RAPGEF6: variants seen among roughly 807,000 people sequenced by gnomAD.
The protein encoded by RAPGEF6 is PDZ domain containing guanine nucleotide exchange factor (GEF) 2.
In RAPGEF6, 56 loss-of-function variants were observed where a neutral mutation model predicts 171.4. That is an observed-to-expected ratio of 0.33 (90% CI 0.26 to 0.41). RAPGEF6 has a LOEUF of 0.41. Ranked by LOEUF, RAPGEF6 falls within the 10% of genes least tolerant of loss-of-function variation. RAPGEF6 has a pLI of 1.00. For synonymous variants in RAPGEF6, 692 were observed against 650.1 expected (o/e 1.06, Z -0.98); for missense variants, 1,674 against 1,921.4 (o/e 0.87, Z 2.41).
chr5:131,494,540 C>G (rs1485503165), intron 13 of RAPGEF6, among the ~76,000 whole-genome samples: 1 of 152,084 alleles, frequency 6.6e-6, no homozygotes, highest in East Asian at 1.9e-4. Context: ...GGATGCAGAA[C>G]TGGAAAATAA....
intron 4 of RAPGEF6, among the ~76,000 whole-genome samples, chr5:131,573,487 T>C (rs529097140): frequency 7.2e-5 from 11 of 152,126 alleles, no homozygotes; most frequent in African/African-American, 2.4e-4. Flanking sequence ...TCCATTTAAA[T>C]GGAGAGGTCG....
intron 3 of RAPGEF6, among the ~76,000 whole-genome samples, chr5:131,599,513 C>T (rs1050797834): frequency 2.0e-5 from 3 of 152,140 alleles, no homozygotes; most frequent in Non-Finnish European, 4.4e-5. Context: ...TACACACACA[C>T]ACACCTACAC....
intron 19 of RAPGEF6, among the ~76,000 whole-genome samples, chr5:131,456,761 T>C (rs1753541299): frequency 6.6e-6 from 1 of 152,240 alleles, no homozygotes; most frequent in South Asian, 2.1e-4. Context: ...CTGTAAAATG[T>C]TCTCCTGATT....
intron 24 of RAPGEF6, among the ~76,000 whole-genome samples, chr5:131,438,829 A>AT (rs1338371464): frequency 1.3e-5 from 2 of 152,220 alleles, no homozygotes; most frequent in Non-Finnish European, 2.9e-5. Flanking sequence ...TTAAATCCTA[A>AT]TTTTAAAAAA....
Position 131,597,313 on chromosome 5 carries a change from T to TAA in RAPGEF6, c.198-4849_198-4848dup, listed in dbSNP as rs80160807. Among the ~76,000 whole-genome samples the TAA allele has an allele frequency of 6.5e-5, 9 of 138,060 alleles. No homozygotes were observed. The South Asian group carries it at 9.3e-4, about 14-fold the overall frequency. The allele number at this position is 138,060 out of a possible 152,430, so 90.6% of individuals were successfully genotyped here. ...TTATGGAAAACAATATGGAGGTTAC[T>TAA]AAAAAAAAAAAAAATGGAACTTCTA... On this transcript the variant is annotated intron_variant, in intron 3 of 27. Transcript: ENST00000509018.
intron 21 of RAPGEF6, among the ~76,000 whole-genome samples, chr5:131,452,046 T>C (rs1168003521): frequency 1.3e-5 from 2 of 152,170 alleles, no homozygotes; most frequent in Non-Finnish European, 2.9e-5. Flanking sequence ...CGGTGAAACC[T>C]TGTCTCTACT....
intron 6 of RAPGEF6, among the ~76,000 whole-genome samples, chr5:131,532,407 A>C (rs1158822066): frequency 6.6e-6 from 1 of 152,240 alleles, no homozygotes; most frequent in Non-Finnish European, 1.5e-5. Context: ...ATACAGACAT[A>C]TACATGCGGC....
In RAPGEF6 at chr5:131,495,679, GGCA is replaced by G. The variant is rs780584929; in HGVS notation, c.1420-22_1420-20del. On this transcript the variant is annotated intron_variant, in intron 12 of 27. Transcript: ENST00000509018. ...GTGTCACCTGTGGAAACATAAAAGAGGCAGCATATGGTTATAAGAGGCATTCCT... is the reference window on the plus strand; with the variant it reads ...GTGTCACCTGTGGAAACATAAAAGAGGCATATGGTTATAAGAGGCATTCCT... The G allele has an allele frequency of 6.2e-7, 1 of 1,602,264 alleles. No individual in the cohort carries two copies.
chr5:131,625,089 C>CT, intron 1 of RAPGEF6, among the ~76,000 whole-genome samples: 1 of 152,052 alleles, frequency 6.6e-6, no homozygotes, highest in Non-Finnish European at 1.5e-5. Flanking sequence ...TGGTGTAACT[C>CT]TGTCTCTACT....
At chr5:131,632,263 T>C (rs190380285) in intron 1 of RAPGEF6, among the ~76,000 whole-genome samples, 401 of 152,174 alleles carry the variant, frequency 2.6e-3, no homozygotes, top group African/African-American at 8.9e-3. Context: ...ACAAAGCTGC[T>C]TGCTATTTCT....
intron 27 of RAPGEF6, 57 bp downstream of exon 27, chr5:131,428,844 AC>A: frequency 6.9e-7 from 1 of 1,458,468 alleles, no homozygotes; most frequent in Non-Finnish European, 9.4e-7. Context: ...CAAAGTAAAG[AC>A]CATTTAATGT....
chr5:131,595,201 T>C (rs1300699254), intron 3 of RAPGEF6, among the ~76,000 whole-genome samples: 1 of 152,162 alleles, frequency 6.6e-6, no homozygotes, highest in Non-Finnish European at 1.5e-5. Flanking sequence ...GGGACAGATT[T>C]TCCCCCATGC....
intron 4 of RAPGEF6, among the ~76,000 whole-genome samples, chr5:131,591,329 C>T (rs532086570): frequency 1.3e-4 from 20 of 152,294 alleles, no homozygotes; most frequent in African/African-American, 4.6e-4. Context: ...CAGAATTCCA[C>T]AACTGACCTT....
At chr5:131,497,478 C>T (rs1441834551) in intron 12 of RAPGEF6, among the ~76,000 whole-genome samples, 7 of 152,112 alleles carry the variant, frequency 4.6e-5, no homozygotes, top group Admixed American at 1.3e-4. Flanking sequence ...ATCTTTAAGG[C>T]ATTATAGTTT....
At chr5:131,441,752 T>C (rs1302863347) in intron 23 of RAPGEF6, among the ~76,000 whole-genome samples, 3 of 152,176 alleles carry the variant, frequency 2.0e-5, no homozygotes, top group African/African-American at 4.8e-5. Flanking sequence ...CTACTAAACA[T>C]ATACTACATA....
At chr5:131,597,101 C>T (rs1763947554) in intron 3 of RAPGEF6, among the ~76,000 whole-genome samples, 1 of 151,910 alleles carries the variant, frequency 6.6e-6, no homozygotes, top group African/African-American at 2.4e-5. Context: ...TAAAAATAGC[C>T]AATAGGTATA....
In RAPGEF6 at chr5:131,527,876, A is replaced by G. The variant is rs550167742; in HGVS notation, c.496-6355T>C. On this transcript the variant is annotated intron_variant, in intron 6 of 27. Transcript: ENST00000509018. ...TAAAAATACAAAAAATTAGCCGGGC[A>G]TGGTGGCGGGTGCCTGTAGTCCCAG... Among the ~76,000 whole-genome samples, 820 of 151,076 alleles carry G rather than the reference A, an allele frequency of 5.4e-3. 14 individuals are homozygous for G. The highest frequency in any genetic ancestry group is 0.019 in the African/African-American group (791 of 41,156).
chr5:131,513,933 T>G (rs1449626003), intron 7 of RAPGEF6, among the ~76,000 whole-genome samples: 1 of 151,990 alleles, frequency 6.6e-6, no homozygotes, highest in Non-Finnish European at 1.5e-5. Flanking sequence ...GAGGCTGAGG[T>G]GGGAGGATTG....
intron 1 of RAPGEF6, among the ~76,000 whole-genome samples, chr5:131,628,169 G>C (rs1052389662): frequency 2.6e-5 from 4 of 152,088 alleles, no homozygotes; most frequent in Admixed American, 2.6e-4. Context: ...ACTTAGGAAG[G>C]CTAACAACGG....
Sources: allele counts gnomAD v4.1 joint callset (sites outside exome capture counted in the v4.1 genomes callset), GRCh38; gene constraint gnomAD v4.1.1; transcripts MANE v1.5; gene names NCBI Gene and HGNC (gene_info 2026-07-23, HGNC 2026-07-21).